Variants in CSPP1 observed in about 807,000 individuals in gnomAD.
The protein encoded by CSPP1 is centrosome and spindle pole associated protein 1.
A neutral mutation model predicts 164.4 loss-of-function variants in CSPP1; 126 were observed. That is an observed-to-expected ratio of 0.77 (90% CI 0.66 to 0.89). CSPP1 has a LOEUF of 0.89. Among genes scored for constraint, CSPP1 ranks in the 40% least tolerant of loss-of-function variants. The probability of loss-of-function intolerance (pLI) is 0.00; values close to 1 mark genes in which losing one functional copy is unlikely to be tolerated. For synonymous variants in CSPP1, 472 were observed against 476.7 expected, an observed-to-expected ratio of 0.99 and a Z score of 0.13; for missense variants, 1,395 against 1,449.8, an observed-to-expected ratio of 0.96 and a Z score of 0.61.
chr8:67,192,634 T>C (rs959313675), intron 29 of CSPP1, among the ~76,000 whole-genome samples: 1 of 152,196 alleles, frequency 6.6e-6, no homozygotes, highest in Non-Finnish European at 1.5e-5. Context: ...TTTACTTGTT[T>C]TCTTTCAGTT....
At chr8:67,134,995 T>C (rs1347305448) in intron 16 of CSPP1, 1 of 152,220 alleles carries the variant, frequency 6.6e-6, no homozygotes, top group African/African-American at 2.4e-5. Context: ...AAACCAGACA[T>C]TGACTTCTCT....
intron 26 of CSPP1, 37 bp from the exon 27 acceptor site, chr8:67,177,643 G>C (rs545071263): frequency 1.4e-6 from 2 of 1,458,722 alleles, no homozygotes; most frequent in Middle Eastern, 1.7e-4. Flanking sequence ...AGCATTTTCT[G>C]ACCTTTTAAT....
intron 3 of CSPP1, among the ~76,000 whole-genome samples, chr8:67,077,649 T>G (rs768742232): frequency 4.6e-5 from 7 of 152,228 alleles, no homozygotes; most frequent in Non-Finnish European, 8.8e-5. Flanking sequence ...TGTATGAATA[T>G]TTTCAATGTG....
intron 3 of CSPP1, among the ~76,000 whole-genome samples, chr8:67,081,359 A>T (rs924185580): frequency 2.7e-5 from 4 of 150,560 alleles, no homozygotes; most frequent in Non-Finnish European, 1.5e-5. Context: ...AAAGGATTCA[A>T]TTTTTTTTTT....
At chr8:67,194,611 T>C (rs1415189595) in intron 30 of CSPP1, among the ~76,000 whole-genome samples, 1 of 152,042 alleles carries the variant, frequency 6.6e-6, no homozygotes, top group Non-Finnish European at 1.5e-5. Context: ...TTTTTTAACA[T>C]TGTCCTTTCA....
At chr8:67,083,167 CAA>C (rs1211360894) in intron 3 of CSPP1, among the ~76,000 whole-genome samples, 2 of 151,964 alleles carry the variant, frequency 1.3e-5, no homozygotes, top group Non-Finnish European at 2.9e-5. Flanking sequence ...TGTTACTTGT[CAA>C]GACAATTTTA....
intron 15 of CSPP1, chr8:67,123,036 A>G (rs1819291339): frequency 1.3e-5 from 2 of 152,392 alleles, no homozygotes; most frequent in East Asian, 3.8e-4. Flanking sequence ...AGCTAGGACT[A>G]CAGCCGTGTG....
At position 67,118,789 on chromosome 8, in the gene CSPP1, T is replaced by C. The variant is rs757922857; in HGVS notation, c.1665T>C (p.Ala555=). 2 of 1,612,464 alleles carry C rather than the reference T, an allele frequency of 1.2e-6. No individual in the cohort carries two copies. Among genetic ancestry groups the C allele is most frequent in the Non-Finnish European group, 1.7e-6 (2 of 1,178,566 alleles). The part of the protein sequence containing the change: ...MGVQPAAYVS[A]PVTHQLAQPV... ...TACAGCCTGCAGCTTATGTTAGTGC[T>C]CCTGTCACCCACCAACTAGCACAAC... The change falls in exon 15 of 31, where the codon GCT becomes GCC. Residue 555 remains alanine, a synonymous_variant. Coordinates refer to ENST00000678616, the MANE Select transcript of CSPP1 (RefSeq NM_001382391.1).
chr8:67,069,262 C>T (rs1806218291), intron 1 of CSPP1: 1 of 152,018 alleles, frequency 6.6e-6, no homozygotes, highest in Admixed American at 6.6e-5. Flanking sequence ...ATATTAAAGT[C>T]ATTATAATCT....
intron 7 of CSPP1, among the ~76,000 whole-genome samples, chr8:67,097,180 C>T (rs928269689): frequency 6.6e-6 from 1 of 152,108 alleles, no homozygotes; most frequent in African/African-American, 2.4e-5. Context: ...TTTTGAGTAG[C>T]TTTTGGGACC....
intron 18 of CSPP1, among the ~76,000 whole-genome samples, chr8:67,153,579 T>C (rs1826110765): frequency 6.6e-6 from 1 of 152,102 alleles, no homozygotes; most frequent in South Asian, 2.1e-4. Context: ...ATTTTGAAAT[T>C]ACTGATTTTT....
rs559885498 is a variant in CSPP1 at position 67,115,547 on chromosome 8, C to A, written c.1288-367C>A. Among the ~76,000 whole-genome samples the A allele has an allele frequency of 3.3e-5, 5 of 152,186 alleles. No homozygotes were observed. The East Asian group carries it at 9.7e-4, about 29-fold the overall frequency. ...ATTAGCTGTGCGTGGTGGCAGGTGC[C>A]TGTAACCCCAGCTACTCTGAGGCTG... is the stretch of plus-strand genomic sequence containing the variant. On this transcript the variant is annotated intron_variant, in intron 12 of 30. Transcript: ENST00000678616.
At chr8:67,069,795 G>A (rs772382897) in intron 1 of CSPP1, among the ~76,000 whole-genome samples, 7 of 151,690 alleles carry the variant, frequency 4.6e-5, no homozygotes, top group Non-Finnish European at 1.0e-4. Context: ...CGGTAGTTGG[G>A]ATTACAGGTA....
chr8:67,179,961 T>C, intron 28 of CSPP1, 35 bp downstream of exon 28: 1 of 1,208,024 alleles, frequency 8.3e-7, no homozygotes, highest in African/African-American at 1.5e-5. Context: ...CTATATTGTT[T>C]AAATATTAAA....
Position 67,194,221 on chromosome 8 carries a change from C to T in CSPP1, c.3469+619C>T, listed in dbSNP as rs150658025. 7.9e-4 allele frequency among the ~76,000 whole-genome samples: 120 copies of T among 152,278 alleles called. 1 individual carries two copies. The highest frequency in any genetic ancestry group is 2.7e-3 in the African/African-American group (113 of 41,550). Reference sequence around the variant, plus strand: ...TATTAGTCACCGGGATAATGGGACACTTTCATATTGGTAATAATAATAGTT... The same window carrying T: ...TATTAGTCACCGGGATAATGGGACATTTTCATATTGGTAATAATAATAGTT... On this transcript the variant is annotated intron_variant, in intron 30 of 30. Transcript: ENST00000678616.
chr8:67,169,053 G>A (rs929773417), intron 24 of CSPP1, among the ~76,000 whole-genome samples: 12 of 152,152 alleles, frequency 7.9e-5, no homozygotes, highest in Non-Finnish European at 1.3e-4. Context: ...GGCATTGTCT[G>A]TGGGGATCCC....
Position 67,195,799 on chromosome 8 carries a change from AT to A in CSPP1, c.*211del, listed in dbSNP as rs869295836. The stretch of plus-strand genomic sequence containing the variant: ...TTTATATAATAGAATTGTATAGATT[AT>A]TTTTGCACAGTTTTGTCATAAATTA... On this transcript the variant is annotated 3_prime_UTR_variant, in exon 31 of 31. Coordinates refer to ENST00000678616, the MANE Select transcript of CSPP1 (RefSeq NM_001382391.1). The A allele has an allele frequency of 2.1e-5, 11 of 529,174 alleles. No individual in the cohort carries two copies. The Admixed American group carries it at 3.3e-4, about 16-fold the overall frequency. The allele number at this position is 529,174 out of a possible 1,614,324, so 32.8% of individuals were successfully genotyped here.
chr8:67,184,943 C>CAAAAAAAAAAAA (rs796384901), intron 28 of CSPP1, among the ~76,000 whole-genome samples: 9 of 55,954 alleles, frequency 1.6e-4, no homozygotes, highest in South Asian at 8.8e-4. Context: ...ACTAAAAATA[C>CAAAAAAAAAAAA]AAAAAAAAAA....
intron 19 of CSPP1, among the ~76,000 whole-genome samples, chr8:67,156,144 A>G (rs1412274924): frequency 6.6e-6 from 1 of 152,180 alleles, no homozygotes; most frequent in African/African-American, 2.4e-5. Context: ...ATAGACTTTT[A>G]TTGTTTTTGA....
Sources: gnomAD v4.1 joint callset for allele counts (sites outside exome capture counted in the v4.1 genomes callset) on GRCh38, gnomAD v4.1.1 for gene constraint, MANE v1.5 for transcripts, NCBI Gene and HGNC (gene_info 2026-07-23, HGNC 2026-07-21) for gene names.